Variants in EFHC1 observed in about 807,000 individuals in gnomAD.
EFHC1 encodes EF-hand domain-containing protein 1.
A neutral mutation model predicts 69.9 loss-of-function variants in EFHC1; 53 were observed. The ratio of observed to expected loss-of-function variants is 0.76; its 90% CI spans 0.61 to 0.95. The LOEUF is 0.95. Ranked by LOEUF, EFHC1 falls within the 40% of genes least tolerant of loss-of-function variation. The pLI, the probability that EFHC1 is intolerant of heterozygous loss-of-function variation, is 0.00. For synonymous variants in EFHC1, 256 were observed against 278.4 expected, an observed-to-expected ratio of 0.92 and a Z score of 0.80; for missense variants, 739 against 798.7, an observed-to-expected ratio of 0.93 and a Z score of 0.90.
chr6:52,437,679 G>C (rs549068719), intron 2 of EFHC1: 1 of 152,788 alleles, frequency 6.5e-6, no homozygotes, highest in Non-Finnish European at 1.5e-5. Context: ...CCTTACCTTG[G>C]TGTGTACATG....
chr6:52,468,176 T>C (rs546726285), intron 6 of EFHC1, among the ~76,000 whole-genome samples: 19 of 152,302 alleles, frequency 1.2e-4, no homozygotes, highest in African/African-American at 4.3e-4. Flanking sequence ...AGACTTCCCC[T>C]GAAAGCAGTA....
chr6:52,469,115 A>C, intron 6 of EFHC1: 1 of 571,286 alleles, frequency 1.8e-6, no homozygotes, highest in Non-Finnish European at 3.0e-6. Context: ...GTTACTTTAG[A>C]GCATCATCAG....
intron 10 of EFHC1, 33 bp from the exon 11 acceptor site, chr6:52,492,237 C>T (rs1381218374): frequency 6.3e-7 from 1 of 1,597,770 alleles, no homozygotes; most frequent in Non-Finnish European, 8.6e-7. Context: ...CCCTGCAGAT[C>T]TGTCTCACCT....
intron 7 of EFHC1, among the ~76,000 whole-genome samples, chr6:52,475,373 G>A (rs1202397439): frequency 6.6e-6 from 1 of 152,170 alleles, no homozygotes; most frequent in Non-Finnish European, 1.5e-5. Flanking sequence ...GTCAGACTAA[G>A]ACACTGGATG....
chr6:52,455,140 A>G (rs1259409589), intron 5 of EFHC1, among the ~76,000 whole-genome samples: 1 of 152,086 alleles, frequency 6.6e-6, no homozygotes, highest in Non-Finnish European at 1.5e-5. Flanking sequence ...CAGTGCAACA[A>G]AATGGCAGCA....
At chr6:52,425,463 A>G (rs1214085832) in intron 2 of EFHC1, among the ~76,000 whole-genome samples, 1 of 152,206 alleles carries the variant, frequency 6.6e-6, no homozygotes, top group Non-Finnish European at 1.5e-5. Context: ...GTCGTAAGAA[A>G]GTATTAGTAA....
In EFHC1 at chr6:52,492,455, G is replaced by C; in HGVS notation, c.*114G>C. 1.7e-6 allele frequency: 2 copies of C among 1,146,432 alleles called. No individual in the cohort carries two copies. Among genetic ancestry groups the C allele is most frequent in the East Asian group, 2.5e-5 (1 of 39,546 alleles). 71.0% of individuals were successfully genotyped at this position (1,146,432 alleles called of 1,614,324 possible). On this transcript the variant is annotated 3_prime_UTR_variant, in exon 11 of 11. Coordinates refer to ENST00000371068, the MANE Select transcript of EFHC1 (RefSeq NM_018100.4). Reference sequence around the variant, plus strand: ...GTTCCTGAAGTTTTATTTCTGTTTTGGTTCTTCTTTCACTCCTACTGAAGT... The same window carrying C: ...GTTCCTGAAGTTTTATTTCTGTTTTCGTTCTTCTTTCACTCCTACTGAAGT...
intron 9 of EFHC1, chr6:52,488,360 C>T (rs1765829871): frequency 6.6e-6 from 1 of 152,062 alleles, no homozygotes; most frequent in African/African-American, 2.4e-5. Flanking sequence ...TTTTATTGTT[C>T]TTGGCTTACT....
At position 52,452,837 on chromosome 6, in the gene EFHC1, GGTAA is replaced by G. The variant is rs1764947805; in HGVS notation, c.723+3_723+6del. On this transcript the variant is annotated splice_donor_variant and splice_donor_region_variant and intron_variant, in intron 4 of 10. Transcript: ENST00000371068. LOFTEE classifies it high-confidence loss of function. ...AGCAATTTCTCACCTTTGACAAACA[GGTAA>G]GTGACATAGGAACCACAATAGGCTT... 1 of 1,613,944 alleles carries G rather than the reference GGTAA, an allele frequency of 6.2e-7. No homozygotes were observed. Among genetic ancestry groups the G allele is most frequent in the African/African-American group, 1.3e-5 (1 of 74,912 alleles).
At chr6:52,436,651 TA>T (rs1350375172) in intron 2 of EFHC1, among the ~76,000 whole-genome samples, 3 of 152,204 alleles carry the variant, frequency 2.0e-5, no homozygotes, top group Non-Finnish European at 4.4e-5. Flanking sequence ...TTTTATTTTT[TA>T]TTTTTTTGAG....
intron 3 of EFHC1, among the ~76,000 whole-genome samples, chr6:52,444,323 CTG>C (rs1453236519): frequency 1.3e-5 from 2 of 152,102 alleles, no homozygotes; most frequent in African/African-American, 4.8e-5. Flanking sequence ...TTCCAACACT[CTG>C]TTGAATAGGA....
intron 1 of EFHC1, 42 bp from the exon 2 acceptor site, chr6:52,423,904 A>T: frequency 6.2e-7 from 1 of 1,612,284 alleles, no homozygotes; most frequent in African/African-American, 1.3e-5. Context: ...CCTAACAAAT[A>T]TTTGTCTAAT....
At chr6:52,489,021 T>G (rs1312233442) in intron 9 of EFHC1, 2 of 152,240 alleles carry the variant, frequency 1.3e-5, no homozygotes, top group Admixed American at 1.3e-4. Context: ...TTTGCTGGAC[T>G]TTTGCTTCAT....
intron 7 of EFHC1, among the ~76,000 whole-genome samples, 191 bp downstream of exon 7, chr6:52,469,664 G>C (rs1452052798): frequency 6.6e-6 from 1 of 152,160 alleles, no homozygotes; most frequent in Non-Finnish European, 1.5e-5. Flanking sequence ...CTAAGACCTA[G>C]ATCAAGTCCT....
At chr6:52,455,711 G>C (rs1004306914) in intron 5 of EFHC1, among the ~76,000 whole-genome samples, 9 of 152,058 alleles carry the variant, frequency 5.9e-5, no homozygotes, top group Non-Finnish European at 1.0e-4. Flanking sequence ...CTACATTAGA[G>C]GTTATAAATA....
intron 9 of EFHC1, chr6:52,487,034 G>A (rs1765801207): frequency 6.6e-6 from 1 of 151,802 alleles, no homozygotes; most frequent in African/African-American, 2.4e-5. Context: ...TAAGTGAAGG[G>A]ACAGGTAGTA....
At chr6:52,469,628 A>G (rs1765391075) in intron 7 of EFHC1, among the ~76,000 whole-genome samples, 155 bp downstream of exon 7, 3 of 152,160 alleles carry the variant, frequency 2.0e-5, no homozygotes, top group Admixed American at 2.0e-4. Flanking sequence ...GGGAGGTTGG[A>G]TAGTATTAAG....
chr6:52,468,218 G>A (rs1471841464), intron 6 of EFHC1, among the ~76,000 whole-genome samples: 1 of 152,152 alleles, frequency 6.6e-6, no homozygotes, highest in Non-Finnish European at 1.5e-5. Flanking sequence ...GGGTTCTAAG[G>A]GTACTACTAG....
intron 2 of EFHC1, among the ~76,000 whole-genome samples, chr6:52,437,272 C>G (rs879402386): frequency 6.6e-6 from 1 of 152,140 alleles, no homozygotes; most frequent in Non-Finnish European, 1.5e-5. Context: ...AACCAAAAAT[C>G]GCAATCTTAT....
Sources: gnomAD v4.1 joint callset for allele counts (sites outside exome capture counted in the v4.1 genomes callset) on GRCh38, gnomAD v4.1.1 for gene constraint, MANE v1.5 for transcripts, NCBI Gene and HGNC (gene_info 2026-07-23, HGNC 2026-07-21) for gene names.